CNIH4: variants seen among roughly 807,000 people sequenced by gnomAD.
CNIH4 encodes the protein cornichon family member 4.
In CNIH4, 9 loss-of-function variants were observed where a neutral mutation model predicts 21.5. The observed-to-expected ratio is 0.42, with a 90% CI of 0.25 to 0.73. The LOEUF (loss-of-function observed/expected upper bound fraction) is 0.73. CNIH4 is among the 30% of genes least tolerant of loss of function. CNIH4 has a pLI of 0.27. For synonymous variants in CNIH4, 67 were observed against 59.1 expected (o/e 1.13, Z -0.61); for missense variants, 159 against 170.0 (o/e 0.94, Z 0.36).
At chr1:224,364,441 C>CA in intron 2 of CNIH4, 2 of 924,598 alleles carry the variant, frequency 2.2e-6, no homozygotes, top group Non-Finnish European at 2.6e-6. Context: ...TAATTCTCTA[C>CA]AACAACTTCG....
At position 224,376,635 on chromosome 1, in the gene CNIH4, ATTTGCTG is replaced by A; in HGVS notation, c.*815_*821del. On this transcript the variant is annotated 3_prime_UTR_variant, in exon 5 of 5. Coordinates refer to ENST00000465271, the MANE Select transcript of CNIH4 (RefSeq NM_014184.4). ...AATCAGATTAGAAGCAGGAATAGTT[ATTTGCTG>A]TCTGTGAAATTGAGCCTTTTGGTGC... The A allele has an allele frequency of 1.0e-6, 1 of 985,356 alleles. No homozygotes were observed. Among genetic ancestry groups the A allele is most frequent in the Non-Finnish European group, 1.2e-6 (1 of 829,928 alleles). 61.0% of individuals were successfully genotyped at this position (985,356 alleles called of 1,614,324 possible).
intron 1 of CNIH4, chr1:224,357,492 C>T (rs1672150832): frequency 6.5e-6 from 1 of 153,376 alleles, no homozygotes; most frequent in Non-Finnish European, 1.5e-5. Context: ...CCCCACGCAA[C>T]ACCCCCGGCA....
At chr1:224,371,200 GATTATTA>G (rs1272129331) in intron 3 of CNIH4, 76 bp from the exon 4 acceptor site, 1 of 1,429,604 alleles carries the variant, frequency 7.0e-7, no homozygotes, top group African/African-American at 1.4e-5. Flanking sequence ...TTTAAAAGTC[GATTATTA>G]TTGGCTACTT....
chr1:224,372,740 G>A (rs568659778), intron 4 of CNIH4, among the ~76,000 whole-genome samples: 15 of 151,072 alleles, frequency 9.9e-5, no homozygotes, highest in Admixed American at 2.6e-4. Flanking sequence ...GTGCCACCAC[G>A]CCTGGCTAAT....
intron 4 of CNIH4, among the ~76,000 whole-genome samples, chr1:224,371,881 G>A (rs1365639953): frequency 1.3e-5 from 2 of 152,352 alleles, no homozygotes; most frequent in East Asian, 3.9e-4. Flanking sequence ...AGCAGAGGTT[G>A]TGGTGAGCCA....
rs927983059 is a variant in CNIH4 at position 224,369,330 on chromosome 1, TGGGAG to T, written c.252-1951_252-1947del. On this transcript the variant is annotated intron_variant, in intron 3 of 4. Transcript: ENST00000465271. ...GCTCACTTCTGTAATCCCAGCACTT[TGGGAG>T]GCCGAGGTGGGAGGATCACCTGAGG... Among the ~76,000 whole-genome samples the T allele has an allele frequency of 2.0e-4, 31 of 152,160 alleles. 1 individual carries two copies. The highest frequency in any genetic ancestry group is 5.9e-5 in the Non-Finnish European group (4 of 68,018).
At chr1:224,363,665 A>G (rs1252023521) in intron 2 of CNIH4, among the ~76,000 whole-genome samples, 3 of 152,022 alleles carry the variant, frequency 2.0e-5, no homozygotes, top group Admixed American at 6.6e-5. Context: ...TTCCAATATT[A>G]TATCTGTTTC....
chr1:224,360,242 T>A (rs1672240305), intron 1 of CNIH4, among the ~76,000 whole-genome samples: 1 of 152,240 alleles, frequency 6.6e-6, no homozygotes, highest in East Asian at 1.9e-4. Context: ...GCCATTGTTT[T>A]ACATTTGAAG....
At chr1:224,368,396 A>C (rs11584247) in intron 3 of CNIH4, among the ~76,000 whole-genome samples, 28,181 of 152,202 alleles carry the variant, frequency 0.19, 2,851 homozygotes, top group Middle Eastern at 0.23. Flanking sequence ...GACAAAGATC[A>C]TGTATATTTA....
chr1:224,378,990 CAT>C lies in CNIH4; in HGVS notation c.*3170_*3171del. 1 of 1,410,784 alleles carries C rather than the reference CAT, an allele frequency of 7.1e-7. No homozygotes were observed. Among genetic ancestry groups the C allele is most frequent in the Non-Finnish European group, 9.8e-7 (1 of 1,019,472 alleles). The allele number at this position is 1,410,784 out of a possible 1,614,324, so 87.4% of individuals were successfully genotyped here. A position where few individuals can be genotyped will look rare whatever the true frequency, so the allele number is the denominator to read the frequency against. On this transcript the variant is annotated 3_prime_UTR_variant, in exon 5 of 5. Coordinates refer to ENST00000465271, the MANE Select transcript of CNIH4 (RefSeq NM_014184.4). ...TAATGGCAGTACCCAGGGCCCGGTC[CAT>C]AGACTACTATCGAGTGCTCCTATGT...
Position 224,376,748 on chromosome 1 carries a change from A to G in CNIH4, c.*926A>G, listed in dbSNP as rs1340405984. Reference sequence around the variant, plus strand: ...TGGGAGACCAAATGCAAGCCATTTCATGGACATAGCAATATACAACCAAAC... The same window carrying G: ...TGGGAGACCAAATGCAAGCCATTTCGTGGACATAGCAATATACAACCAAAC... On this transcript the variant is annotated 3_prime_UTR_variant, in exon 5 of 5. Coordinates refer to ENST00000465271, the MANE Select transcript of CNIH4 (RefSeq NM_014184.4). The G allele has an allele frequency of 5.1e-6, 5 of 985,292 alleles. No individual in the cohort carries two copies. The highest frequency in any genetic ancestry group is 4.8e-6 in the Non-Finnish European group (4 of 829,952). The allele number at this position is 985,292 out of a possible 1,614,324, so 61.0% of individuals were successfully genotyped here. A position where few individuals can be genotyped will look rare whatever the true frequency, so the allele number is the denominator to read the frequency against.
intron 4 of CNIH4, 67 bp downstream of exon 4, chr1:224,371,490 A>T: frequency 1.4e-6 from 2 of 1,470,084 alleles, no homozygotes; most frequent in South Asian, 2.6e-5. Flanking sequence ...ATATTACTAT[A>T]CTATAGGATT....
intron 3 of CNIH4, among the ~76,000 whole-genome samples, chr1:224,368,071 C>CTA (rs1358114922): frequency 6.6e-6 from 1 of 152,170 alleles, no homozygotes; most frequent in Non-Finnish European, 1.5e-5. Flanking sequence ...TGGCCCATGC[C>CTA]TATAATCCCA....
At chr1:224,357,241 C>G (rs1325279299) in intron 1 of CNIH4, 17 of 435,292 alleles carry the variant, frequency 3.9e-5, no homozygotes, top group Non-Finnish European at 8.1e-6. Context: ...GCCCCTCACT[C>G]GGGTCCGAGT....
Position 224,365,893 on chromosome 1 carries a change from A to T in CNIH4, c.153A>T (p.Glu51Asp). 1 of 1,606,022 alleles carries T rather than the reference A, an allele frequency of 6.2e-7. No homozygotes were observed. The highest frequency in any genetic ancestry group is 8.5e-7 in the Non-Finnish European group (1 of 1,172,638). Residue 51 changes from glutamate to aspartate, a missense_variant, in exon 3 of 5, where the codon GAA becomes GAT. Physicochemically the swap from Glu to Asp is conservative, Grantham distance 45. Coordinates refer to ENST00000465271, the MANE Select transcript of CNIH4 (RefSeq NM_014184.4). Reference sequence around the variant, plus strand: ...TTCCATTGCAGTGGGTAATTCCAGAATTGATTGGCCATACCATTGTCACTG... The same window carrying T: ...TTCCATTGCAGTGGGTAATTCCAGATTTGATTGGCCATACCATTGTCACTG... ...CSKLNKWVIP[E>D]LIGHTIVTVL...
At position 224,375,849 on chromosome 1, in the gene CNIH4, G is replaced by C; in HGVS notation, c.*27G>C. 1 of 1,613,978 alleles carries C rather than the reference G, an allele frequency of 6.2e-7. No individual in the cohort carries two copies. The highest frequency in any genetic ancestry group is 8.5e-7 in the Non-Finnish European group (1 of 1,179,912). On this transcript the variant is annotated 3_prime_UTR_variant, in exon 5 of 5. Transcript: ENST00000465271. ...GCTGGAGAAGCCGTGGTTGAAGTCA[G>C]CCTACACTACAGTGCACAGTTGAGG...
intron 3 of CNIH4, among the ~76,000 whole-genome samples, chr1:224,366,437 C>T (rs192581676): frequency 1.3e-3 from 205 of 151,962 alleles, no homozygotes; most frequent in East Asian, 6.6e-3. Flanking sequence ...CTGCAACTTC[C>T]GCCTCCTGGG....
intron 4 of CNIH4, among the ~76,000 whole-genome samples, chr1:224,373,523 C>A (rs767155456): frequency 4.0e-5 from 6 of 151,790 alleles, no homozygotes; most frequent in Non-Finnish European, 8.8e-5. Context: ...AACTCTTAGT[C>A]GTAGAATTTA....
intron 2 of CNIH4, among the ~76,000 whole-genome samples, chr1:224,360,868 C>T (rs962395400): frequency 1.3e-5 from 2 of 152,036 alleles, no homozygotes; most frequent in Admixed American, 1.3e-4. Flanking sequence ...GTTGGAACTC[C>T]CTCCTCCCAC....
Sources: allele counts gnomAD v4.1 joint callset (sites outside exome capture counted in the v4.1 genomes callset), GRCh38; gene constraint gnomAD v4.1.1; transcripts MANE v1.5; gene names NCBI Gene and HGNC (gene_info 2026-07-23, HGNC 2026-07-21).